PREX2: variants seen among roughly 807,000 people sequenced by gnomAD.
PREX2 encodes phosphatidylinositol-3,4,5-trisphosphate dependent Rac exchange factor 2, also known as phosphatidylinositol 3,4,5-trisphosphate-dependent Rac exchanger 2 protein.
A neutral mutation model predicts 203.2 loss-of-function variants in PREX2; 107 were observed. The ratio of observed to expected loss-of-function variants is 0.53; its 90% CI spans 0.45 to 0.62. PREX2 has a LOEUF of 0.62. PREX2 is among the 20% of genes least tolerant of loss of function. PREX2 has a pLI of 0.00. For synonymous variants in PREX2, 672 were observed against 663.6 expected, an observed-to-expected ratio of 1.01 and a Z score of -0.19; for missense variants, 1,777 against 1,955.9, an observed-to-expected ratio of 0.91 and a Z score of 1.72.
chr8:68,228,528 C>T (rs940956953), intron 39 of PREX2, among the ~76,000 whole-genome samples: 39 of 151,964 alleles, frequency 2.6e-4, no homozygotes, highest in African/African-American at 8.0e-4. Context: ...TTTGGGAGGC[C>T]GAGGCAGGCG....
At chr8:68,066,907 T>C (rs2129611495) in intron 11 of PREX2, among the ~76,000 whole-genome samples, 1 of 152,168 alleles carries the variant, frequency 6.6e-6, no homozygotes, top group East Asian at 1.9e-4. Context: ...TTTTTATATG[T>C]GGTGTGAGAT....
rs763086364 is a variant in PREX2 at position 68,021,598 on chromosome 8, C to T, written c.337-438C>T. Among the ~76,000 whole-genome samples, 92 of 152,132 alleles carry T rather than the reference C, an allele frequency of 6.0e-4. 1 individual carries two copies. Among genetic ancestry groups the T allele is most frequent in the Non-Finnish European group, 2.5e-4 (17 of 68,016 alleles). ...TGCCTTCATCTAAATGACTTTATTC[C>T]GTCTCCCTGCCTAGGAATCATGGAT... On this transcript the variant is annotated intron_variant, in intron 3 of 39. Transcript: ENST00000288368.
At chr8:68,074,909 G>A (rs1809300781) in intron 14 of PREX2, among the ~76,000 whole-genome samples, 1 of 152,260 alleles carries the variant, frequency 6.6e-6, no homozygotes, top group East Asian at 1.9e-4. Context: ...AATGAGTGTT[G>A]TGTTCTTCTG....
At chr8:68,148,301 T>C (rs1811367148) in intron 34 of PREX2, among the ~76,000 whole-genome samples, 1 of 152,112 alleles carries the variant, frequency 6.6e-6, no homozygotes, top group Admixed American at 6.6e-5. Flanking sequence ...TTTGAGAAGA[T>C]AGGGATGGAC....
intron 1 of PREX2, among the ~76,000 whole-genome samples, chr8:68,001,455 T>G (rs1034480312): frequency 2.0e-5 from 3 of 152,150 alleles, no homozygotes; most frequent in Non-Finnish European, 4.4e-5. Context: ...CAGATGCTGT[T>G]GTGGTTGCAG....
At chr8:68,134,388 C>G (rs149987435) in intron 32 of PREX2, 112 bp downstream of exon 32, 5 of 778,670 alleles carry the variant, frequency 6.4e-6, no homozygotes, top group African/African-American at 3.4e-5. Context: ...TATGAATGTG[C>G]GTGCATTCAG....
At chr8:68,138,336 T>C (rs111264596) in intron 32 of PREX2, 79 bp from the exon 33 acceptor site, 39 of 699,160 alleles carry the variant, frequency 5.6e-5, no homozygotes, top group African/African-American at 5.3e-4. Context: ...GTTGTTTTGG[T>C]CTGAATTTAC....
At chr8:68,073,997 C>G (rs1330338484) in intron 14 of PREX2, among the ~76,000 whole-genome samples, 1 of 151,562 alleles carries the variant, frequency 6.6e-6, no homozygotes, top group Non-Finnish European at 1.5e-5. Context: ...AGACGAGTCT[C>G]ACTTGGTTGC....
chr8:68,015,972 A>G (rs1325864133), intron 1 of PREX2, among the ~76,000 whole-genome samples: 1 of 152,176 alleles, frequency 6.6e-6, no homozygotes, highest in Non-Finnish European at 1.5e-5. Flanking sequence ...AGTTGAGGCT[A>G]TTCCTTCTGA....
intron 35 of PREX2, among the ~76,000 whole-genome samples, chr8:68,182,307 T>C (rs1812100313): frequency 6.6e-6 from 1 of 152,154 alleles, no homozygotes; most frequent in South Asian, 2.1e-4. Context: ...GGTGCTATTG[T>C]CATCACACTT....
chr8:68,138,133 A>C (rs1444617000), intron 32 of PREX2, among the ~76,000 whole-genome samples: 1 of 152,242 alleles, frequency 6.6e-6, no homozygotes, highest in Non-Finnish European at 1.5e-5. Context: ...ATATGATTAG[A>C]ATCCAGCTAC....
intron 1 of PREX2, among the ~76,000 whole-genome samples, chr8:67,986,565 T>G (rs1806433154): frequency 1.3e-5 from 2 of 152,328 alleles, no homozygotes; most frequent in South Asian, 4.1e-4. Context: ...CTGTAATACT[T>G]TCATGGAGAT....
chr8:68,109,357 G>A lies in PREX2; in HGVS notation c.2939-59G>A, dbSNP rs1563550045. The A allele has an allele frequency of 3.2e-6, 4 of 1,244,446 alleles. No homozygotes were observed. In the African/African-American group the frequency reaches 6.0e-5, roughly 19 times the overall value. 77.1% of individuals were successfully genotyped at this position (1,244,446 alleles called of 1,614,324 possible). A position where few individuals can be genotyped will look rare whatever the true frequency, so the allele number is the denominator to read the frequency against. On this transcript the variant is annotated intron_variant, in intron 24 of 39. Transcript: ENST00000288368. ...AAAATAAATGAAATTAATTGGACTG[G>A]GTTGTTATCGCAAGTTAAAGGTGAT...
intron 19 of PREX2, among the ~76,000 whole-genome samples, chr8:68,090,093 A>G (rs887015919): frequency 1.3e-5 from 2 of 152,196 alleles, no homozygotes; most frequent in African/African-American, 4.8e-5. Flanking sequence ...CAGTCCAATC[A>G]TAGTTGCTCA....
rs549219711 is a variant in PREX2 at position 68,006,296 on chromosome 8, G to A, written c.142-11550G>A. On this transcript the variant is annotated intron_variant, in intron 1 of 39. Transcript: ENST00000288368. ...GAAGGGAGGCACCAGTTTCCCCGCT[G>A]AGATGCAGTATAACCTGTCTCAACA... 2.0e-5 allele frequency among the ~76,000 whole-genome samples: 3 copies of A among 152,282 alleles called. No individual in the cohort carries two copies. The South Asian group carries it at 6.2e-4, about 32-fold the overall frequency.
intron 23 of PREX2, chr8:68,105,201 G>T (rs773247636): frequency 1.5e-6 from 2 of 1,367,666 alleles, no homozygotes; most frequent in African/African-American, 3.0e-5. Context: ...GCACAGTTTT[G>T]ATCTTCACAG....
intron 23 of PREX2, chr8:68,105,702 G>C: frequency 8.7e-6 from 2 of 231,032 alleles, no homozygotes; most frequent in Non-Finnish European, 1.3e-5. Context: ...TATATATATG[G>C]ATATATATAC....
Position 68,030,635 on chromosome 8 carries a change from C to G in PREX2, c.682C>G (p.Gln228Glu), listed in dbSNP as rs748221219. The change falls in exon 6 of 40, where the codon CAG becomes GAG. Residue 228 changes from glutamine to glutamate, a missense_variant. By Grantham distance (29) the Gln-to-Glu change is conservative. Coordinates refer to ENST00000288368, the MANE Select transcript of PREX2 (RefSeq NM_024870.4). ...GAAGTTAGAAGTTTTAGAGGAATGG[C>G]AGTCTCACATTGAAGGCTGGGAGGT... ...MEKLEVLEEW[Q>E]SHIEGWEGSN... 1 of 1,613,564 alleles carries G rather than the reference C, an allele frequency of 6.2e-7. No individual in the cohort carries two copies. The highest frequency in any genetic ancestry group is 1.7e-5 in the Admixed American group (1 of 59,992).
intron 23 of PREX2, among the ~76,000 whole-genome samples, chr8:68,100,676 G>A (rs1407792391): frequency 6.6e-6 from 1 of 152,176 alleles, no homozygotes; most frequent in Non-Finnish European, 1.5e-5. Flanking sequence ...AGGCTTAGGT[G>A]GGGCCAACTG....
Sources: gnomAD v4.1 joint callset for allele counts (sites outside exome capture counted in the v4.1 genomes callset) on GRCh38, gnomAD v4.1.1 for gene constraint, MANE v1.5 for transcripts, NCBI Gene and HGNC (gene_info 2026-07-23, HGNC 2026-07-21) for gene names.